Variants in KCTD3 observed in about 807,000 individuals in gnomAD.
The protein encoded by KCTD3 is potassium channel tetramerization domain containing 3, also known as BTB/POZ domain-containing protein KCTD3.
Under a neutral mutation model 85.8 loss-of-function variants are expected in KCTD3, and 41 were observed. That is an observed-to-expected ratio of 0.48 (90% CI 0.37 to 0.62). The LOEUF (loss-of-function observed/expected upper bound fraction) is 0.62, where lower values mean the gene tolerates loss of function less well. Ranked by LOEUF, KCTD3 falls within the 20% of genes least tolerant of loss-of-function variation. KCTD3 has a pLI of 0.00. For synonymous variants in KCTD3, 338 were observed against 345.4 expected, an observed-to-expected ratio of 0.98 and a Z score of 0.24; for missense variants, 724 against 989.9, an observed-to-expected ratio of 0.73 and a Z score of 3.60.
At chr1:215,585,665 G>A (rs994831209) in intron 8 of KCTD3, among the ~76,000 whole-genome samples, 3 of 152,092 alleles carry the variant, frequency 2.0e-5, no homozygotes. Context: ...TTATGATTAC[G>A]TAACTGCTAA....
At chr1:215,573,494 TG>T (rs1659448551) in intron 1 of KCTD3, among the ~76,000 whole-genome samples, 1 of 152,174 alleles carries the variant, frequency 6.6e-6, no homozygotes, top group Non-Finnish European at 1.5e-5. Flanking sequence ...CTTGGTGTGA[TG>T]GGCTAATTGT....
At chr1:215,594,901 C>A (rs1188215327) in intron 9 of KCTD3, among the ~76,000 whole-genome samples, 1 of 152,124 alleles carries the variant, frequency 6.6e-6, no homozygotes, top group East Asian at 1.9e-4. Flanking sequence ...ATAGTTAAGG[C>A]TGCCAAGTCT....
rs1659751549 is a variant in KCTD3, at chr1:215,579,961, G to T, written c.588G>T (p.Trp196Cys). 1.2e-6 allele frequency: 2 copies of T among 1,613,172 alleles called. No homozygotes were observed. The highest frequency in any genetic ancestry group is 2.7e-5 in the African/African-American group (2 of 74,902). The change falls in exon 8 of 18, where the codon TGG (tryptophan) becomes TGT (cysteine). Residue 196 changes from tryptophan (W) to cysteine (C), a missense_variant. By Grantham distance (215) the Trp-to-Cys change is radical. Transcript: ENST00000259154. ...TAATAGTAGCTGGCCATCACAACTG[G>T]ATTGTAGCTGCATATGCCCATTTTG... Reference protein sequence around the residue: ...KVLIVAGHHNWIVAAYAHFAV... With the variant: ...KVLIVAGHHNCIVAAYAHFAV...
At chr1:215,618,849 C>T (rs1407278391) in intron 15 of KCTD3, 37 bp from the exon 16 acceptor site, 2 of 1,452,024 alleles carry the variant, frequency 1.4e-6, no homozygotes, top group East Asian at 4.9e-5. Flanking sequence ...AATAATTGCT[C>T]ATTCCCATCA....
At chr1:215,575,303 C>T (rs1659531921) in intron 3 of KCTD3, among the ~76,000 whole-genome samples, 1 of 151,816 alleles carries the variant, frequency 6.6e-6, no homozygotes, top group African/African-American at 2.4e-5. Context: ...CATTTTTAAG[C>T]AATTTGTTTT....
In KCTD3 at chr1:215,576,294, C is replaced by T. The variant is rs116986800; in HGVS notation, c.257+320C>T. Among the ~76,000 whole-genome samples, 1,171 of 151,974 alleles carry T rather than the reference C, an allele frequency of 7.7e-3. 24 individuals carry two copies. Among genetic ancestry groups the T allele is most frequent in the South Asian group, 0.067 (324 of 4,810 alleles). ...GTGTTGCCCAGGCTGATTGCAAACG[C>T]CTGAGCTCAGGCAGTCTCCCCGCCT... On this transcript the variant is annotated intron_variant, in intron 4 of 17. Transcript: ENST00000259154.
intron 1 of KCTD3, among the ~76,000 whole-genome samples, chr1:215,568,651 TAAAC>T (rs1310311116): frequency 6.6e-6 from 1 of 152,070 alleles, no homozygotes; most frequent in Non-Finnish European, 1.5e-5. Context: ...GGTAAGGAGA[TAAAC>T]AAGGAAATGC....
rs73085431 is a variant in KCTD3, at chr1:215,587,786, A to G, written c.817+1101A>G. ...TTTATCAAAACTCTAAAATCATATC[A>G]GTGAACTTTTCATATTCTGTTAAAT... On this transcript the variant is annotated intron_variant, in intron 9 of 17. Coordinates refer to ENST00000259154, the MANE Select transcript of KCTD3 (RefSeq NM_016121.5). Among the ~76,000 whole-genome samples, 541 of 152,370 alleles carry G rather than the reference A, an allele frequency of 3.6e-3. 4 individuals carry two copies. The highest frequency in any genetic ancestry group is 0.013 in the African/African-American group (527 of 41,576).
chr1:215,571,645 TTCCGAGACGGAGTCTC>T (rs1436995345), intron 1 of KCTD3, among the ~76,000 whole-genome samples: 1 of 151,982 alleles, frequency 6.6e-6, no homozygotes, highest in Non-Finnish European at 1.5e-5. Flanking sequence ...TTTTTTTTTT[TTCCGAGACGGAGTCTC>T]GCTTTGTCGC....
intron 10 of KCTD3, among the ~76,000 whole-genome samples, chr1:215,596,877 G>T (rs1183837921): frequency 6.6e-6 from 1 of 152,112 alleles, no homozygotes; most frequent in African/African-American, 2.4e-5. Flanking sequence ...ATTATTTCCG[G>T]TCCCATAAAA....
chr1:215,601,443 A>G lies in KCTD3; in HGVS notation c.934-424A>G, dbSNP rs377138141. ...CTGGAAATCAGTTGCTTTGTTTACT[A>G]GTTCTGATTCTGTCACTTGCTTACT... is the stretch of plus-strand genomic sequence containing the variant. On this transcript the variant is annotated intron_variant, in intron 10 of 17. Coordinates refer to ENST00000259154, the MANE Select transcript of KCTD3 (RefSeq NM_016121.5). Among the ~76,000 whole-genome samples the G allele has an allele frequency of 4.3e-4, 65 of 152,298 alleles. 1 individual carries two copies. The South Asian group carries it at 0.012, about 29-fold the overall frequency.
Position 215,577,689 on chromosome 1 carries a change from C to A in KCTD3, c.277C>A (p.Leu93Ile). The change falls in exon 5 of 18, where the codon CTC (leucine) becomes ATC (isoleucine). Residue 93 changes from leucine (L) to isoleucine (I), a missense_variant. Around this residue, in one of 6 missense-constraint regions of KCTD3, gnomAD observed 97 missense variants for 115.7 expected, o/e 0.84. Transcript: ENST00000259154. ...TTGTAGGGGAGTGAGTATTAATGTTCTCAGGCATGAAGCAGAATTTTACGG... is the reference window on the plus strand; with the variant it reads ...TTGTAGGGGAGTGAGTATTAATGTTATCAGGCATGAAGCAGAATTTTACGG... ...LDLRGVSINV[L>I]RHEAEFYGIT... is the part of the protein sequence containing the mutation. 2 of 1,596,604 alleles carry A rather than the reference C, an allele frequency of 1.3e-6. No individual in the cohort carries two copies. The highest frequency in any genetic ancestry group is 1.7e-6 in the Non-Finnish European group (2 of 1,164,402).
intron 13 of KCTD3, among the ~76,000 whole-genome samples, chr1:215,605,000 A>C (rs1384264654): frequency 6.6e-6 from 1 of 152,202 alleles, no homozygotes; most frequent in Non-Finnish European, 1.5e-5. Context: ...TTCTGATTAC[A>C]AAGTAAAATT....
At chr1:215,592,110 T>C (rs1031621014) in intron 9 of KCTD3, among the ~76,000 whole-genome samples, 2 of 152,158 alleles carry the variant, frequency 1.3e-5, no homozygotes, top group African/African-American at 2.4e-5. Flanking sequence ...GAAAGACCTG[T>C]CCCCATGATT....
chr1:215,591,287 TTTCC>T (rs10592000), intron 9 of KCTD3, among the ~76,000 whole-genome samples: 36,749 of 110,762 alleles, frequency 0.33, 6,784 homozygotes, highest in South Asian at 0.39. Context: ...TCCTTCCTTC[TTTCC>T]TTCCTTCCTT....
chr1:215,605,508 C>A (rs899086985), intron 13 of KCTD3, among the ~76,000 whole-genome samples: 5 of 152,066 alleles, frequency 3.3e-5, no homozygotes, highest in African/African-American at 1.2e-4. Flanking sequence ...TCTGCACTTT[C>A]CTAGTTATTT....
At position 215,580,005 on chromosome 1, in the gene KCTD3, G is replaced by A; in HGVS notation, c.626+6G>A. On this transcript the variant is annotated splice_donor_region_variant and intron_variant, in intron 8 of 17. Transcript: ENST00000259154. ...CATTTTGCTGTGTGTTACAGGTAGTGTATAATTAATAATGCTTTGCTTTTA... is the reference window on the plus strand; with the variant it reads ...CATTTTGCTGTGTGTTACAGGTAGTATATAATTAATAATGCTTTGCTTTTA... 2 of 1,555,340 alleles carry A rather than the reference G, an allele frequency of 1.3e-6. No individual in the cohort carries two copies. The highest frequency in any genetic ancestry group is 8.9e-7 in the Non-Finnish European group (1 of 1,127,888).
At chr1:215,572,424 G>T (rs1185190161) in intron 1 of KCTD3, among the ~76,000 whole-genome samples, 1 of 152,182 alleles carries the variant, frequency 6.6e-6, no homozygotes, top group African/African-American at 2.4e-5. Flanking sequence ...AGCCATTGTT[G>T]CCTCAGGTGC....
chr1:215,573,979 T>C (rs1659471077), intron 2 of KCTD3, 94 bp from the exon 3 acceptor site: 8 of 1,036,576 alleles, frequency 7.7e-6, no homozygotes, highest in Non-Finnish European at 1.1e-5. Flanking sequence ...ATAGATAACT[T>C]ACTTTTAGTG....
Sources: gnomAD v4.1 joint callset for allele counts (sites outside exome capture counted in the v4.1 genomes callset) on GRCh38, gnomAD v4.1.1 for gene constraint, gnomAD v4.1.1 regional missense constraint, MANE v1.5 for transcripts, NCBI Gene and HGNC (gene_info 2026-07-23, HGNC 2026-07-21) for gene names.